The following ZNF800 variants were observed in gnomAD, a reference collection of about 807,000 sequenced individuals.
The protein encoded by ZNF800 is zinc finger protein 800.
A neutral mutation model predicts 59.5 loss-of-function variants in ZNF800; 13 were observed. The ratio of observed to expected loss-of-function variants is 0.22; its 90% CI spans 0.14 to 0.35. ZNF800 has a LOEUF of 0.35. ZNF800 is among the 10% of genes least tolerant of loss of function. The pLI is 1.00. For missense variants in ZNF800, 621 were observed against 783.7 expected (o/e 0.79, Z 2.48); for synonymous variants, 266 against 265.7 (o/e 1.00, Z -0.01).
chr7:127,392,224 C>T lies in ZNF800; in HGVS notation c.-223G>A, dbSNP rs1402096250. On this transcript the variant is annotated 5_prime_UTR_variant, in exon 1 of 6. Coordinates refer to ENST00000265827, the MANE Select transcript of ZNF800 (RefSeq NM_176814.5). Reference sequence around the variant, plus strand: ...GGGCCCGACGCGCTCCCAAAGAGTCCCCGCCGGCGCTGACGCGGAAGCGCC... The same window carrying T: ...GGGCCCGACGCGCTCCCAAAGAGTCTCCGCCGGCGCTGACGCGGAAGCGCC... 4.8e-5 allele frequency: 19 copies of T among 394,528 alleles called. No individual in the cohort carries two copies. The highest frequency in any genetic ancestry group is 3.5e-4 in the Admixed American group (8 of 22,574). The allele number at this position is 394,528 out of a possible 1,614,324, so 24.4% of individuals were successfully genotyped here. A position where few individuals can be genotyped will look rare whatever the true frequency, so the allele number is the denominator to read the frequency against.
intron 1 of ZNF800, chr7:127,360,174 G>A (rs543047862): frequency 5.9e-5 from 9 of 152,158 alleles, no homozygotes; most frequent in Non-Finnish European, 1.0e-4. Flanking sequence ...AATTACCCAG[G>A]TAGTTGGTAC....
downstream of ZNF800, among the ~76,000 whole-genome samples, chr7:127,368,602 G>T (rs1006048870): frequency 2.6e-5 from 4 of 152,072 alleles, no homozygotes; most frequent in African/African-American, 7.2e-5. Context: ...CAAAATTTTT[G>T]AAGCATCTCT....
rs117479436 is a variant in ZNF800 at position 127,355,440 on chromosome 7, G to A, written n.225-7397C>T. Among the ~76,000 whole-genome samples the A allele has an allele frequency of 7.4e-3, 1,124 of 152,052 alleles. 14 individuals carry two copies. The highest frequency in any genetic ancestry group is 0.021 in the African/African-American group (877 of 41,500). On this transcript the variant is annotated intron_variant and non_coding_transcript_variant, in intron 1 of 1. Transcript: ENST00000485577. ...CATGGGGGGCAATGTAATTAATAAC[G>A]CAATAATAACACAAAGGATAGAAGT...
chr7:127,357,347 G>C (rs753403298), intron 1 of ZNF800, among the ~76,000 whole-genome samples: 17 of 152,178 alleles, frequency 1.1e-4, no homozygotes, highest in Middle Eastern at 3.4e-3. Flanking sequence ...GCTTTACAAA[G>C]TATAATTAAT....
intron 1 of ZNF800, among the ~76,000 whole-genome samples, chr7:127,349,251 G>C (rs2117012294): frequency 6.6e-6 from 1 of 152,208 alleles, no homozygotes; most frequent in East Asian, 1.9e-4. Context: ...CTAAAATATG[G>C]CAATGAACTA....
downstream of ZNF800, among the ~76,000 whole-genome samples, chr7:127,345,233 G>T (rs1800035978): frequency 6.6e-6 from 1 of 151,916 alleles, no homozygotes; most frequent in Non-Finnish European, 1.5e-5. Flanking sequence ...AGAATACAAT[G>T]TTGAAGAATC....
At position 127,371,096 on chromosome 7, in the gene ZNF800, T is replaced by C. The variant is rs1800621412; in HGVS notation, c.*718A>G. 6.6e-6 allele frequency: 1 copy of C among 152,536 alleles called. No homozygotes were observed. Among genetic ancestry groups the C allele is most frequent in the African/African-American group, 2.4e-5 (1 of 41,424 alleles). 9.4% of individuals were successfully genotyped at this position (152,536 alleles called of 1,614,324 possible). ...GCATCTATCATTAAAGTGCTTTGTA[T>C]AAAATTTAAAGAAAAATAGGGGAAT... On this transcript the variant is annotated 3_prime_UTR_variant, in exon 6 of 6. Coordinates refer to ENST00000265827, the MANE Select transcript of ZNF800 (RefSeq NM_176814.5).
intron 5 of ZNF800, among the ~76,000 whole-genome samples, chr7:127,372,402 C>T (rs1004329178): frequency 2.6e-4 from 40 of 150,970 alleles, no homozygotes; most frequent in Non-Finnish European, 5.2e-4. Flanking sequence ...ATTGCTTGAA[C>T]CCAGGAGGCG....
rs1800827098 is a variant in ZNF800, at chr7:127,377,772, GGA to G, written c.158-445_158-444del. Reference sequence around the variant, plus strand: ...TTCTTTGAAGCTCTTTTCTGTATTAGGAAGTAAGCAAGGAGTTTTTCAATACA... The same window carrying G: ...TTCTTTGAAGCTCTTTTCTGTATTAGAGTAAGCAAGGAGTTTTTCAATACA... On this transcript the variant is annotated intron_variant, in intron 3 of 5. Transcript: ENST00000265827. The surrounding 1 kb of genome is among the most constrained non-coding windows in gnomAD (Gnocchi z 4.7). Among the ~76,000 whole-genome samples the G allele has an allele frequency of 6.6e-6, 1 of 152,036 alleles. No homozygotes were observed. Among genetic ancestry groups the G allele is most frequent in the Non-Finnish European group, 1.5e-5 (1 of 67,940 alleles).
chr7:127,392,494 A>G lies in ZNF800; in HGVS notation c.-493T>C, dbSNP rs1326748102. On this transcript the variant is annotated 5_prime_UTR_variant, in exon 1 of 6. Coordinates refer to ENST00000265827, the MANE Select transcript of ZNF800 (RefSeq NM_176814.5). Reference sequence around the variant, plus strand: ...TCCCACCAGCGCCGCTCCACCTGCAACGGTCCCTCAGGCTTTAGGAGAGGG... The same window carrying G: ...TCCCACCAGCGCCGCTCCACCTGCAGCGGTCCCTCAGGCTTTAGGAGAGGG... 1 of 349,246 alleles carries G rather than the reference A, an allele frequency of 2.9e-6. No homozygotes were observed. Among genetic ancestry groups the G allele is most frequent in the Non-Finnish European group, 5.1e-6 (1 of 194,508 alleles). 21.6% of individuals were successfully genotyped at this position (349,246 alleles called of 1,614,324 possible).
downstream of ZNF800, among the ~76,000 whole-genome samples, chr7:127,343,519 T>C (rs1283489917): frequency 6.6e-6 from 1 of 152,002 alleles, no homozygotes; most frequent in East Asian, 1.9e-4. Flanking sequence ...AAAAGGTTTT[T>C]TAAGTTTTCA....
intron 3 of ZNF800, among the ~76,000 whole-genome samples, chr7:127,384,358 C>T (rs980260865): frequency 1.3e-5 from 2 of 150,556 alleles, no homozygotes; most frequent in African/African-American, 2.4e-5. Flanking sequence ...CTCAGCCTCT[C>T]GAGTAGCTGA....
intron 1 of ZNF800, among the ~76,000 whole-genome samples, chr7:127,355,330 A>T: frequency 6.6e-6 from 1 of 151,938 alleles, no homozygotes; most frequent in East Asian, 1.9e-4. Flanking sequence ...AAGAATGGGG[A>T]CAGGCCTGGT....
intron 1 of ZNF800, chr7:127,359,695 T>C (rs150654992): frequency 3.3e-4 from 50 of 152,164 alleles, no homozygotes; most frequent in African/African-American, 1.1e-3. Context: ...CAGAGGACCA[T>C]AGCTGACAGG....
At chr7:127,343,701 C>A (rs1315693141), downstream of ZNF800, among the ~76,000 whole-genome samples, 1 of 151,726 alleles carries the variant, frequency 6.6e-6, no homozygotes, top group Non-Finnish European at 1.5e-5. Flanking sequence ...CAATCTTATT[C>A]ATAAATATAA....
At chr7:127,391,746 A>G (rs1801326914) in intron 1 of ZNF800, 131 bp from the exon 2 acceptor site, 1 of 627,966 alleles carries the variant, frequency 1.6e-6, no homozygotes, top group African/African-American at 1.8e-5. Context: ...TCTCGAAAAG[A>G]AAACAGAAAG....
At chr7:127,351,215 G>GTAC (rs1283854167) in intron 1 of ZNF800, among the ~76,000 whole-genome samples, 2 of 152,068 alleles carry the variant, frequency 1.3e-5, no homozygotes, top group Non-Finnish European at 2.9e-5. Flanking sequence ...TCCCACCTCT[G>GTAC]TACTTTTGTT....
chr7:127,384,227 CTTTTTTTTTTTTTTT>C (rs577977623), intron 3 of ZNF800, among the ~76,000 whole-genome samples: 1 of 63,392 alleles, frequency 1.6e-5, no homozygotes, highest in African/African-American at 7.0e-5. Context: ...ATTCTAACTT[CTTTTTTTTTTTTTTT>C]TTTTTTTTTT....
chr7:127,386,849 G>A (rs1801149636), intron 2 of ZNF800, among the ~76,000 whole-genome samples: 1 of 152,072 alleles, frequency 6.6e-6, no homozygotes, highest in African/African-American at 2.4e-5. Context: ...GGCAATAATT[G>A]TTAAGCAACA....
Sources: gnomAD v4.1 joint callset for allele counts (sites outside exome capture counted in the v4.1 genomes callset) on GRCh38, gnomAD v4.1.1 for gene constraint, Gnocchi (gnomAD v3.1) non-coding constraint, MANE v1.5 for transcripts, NCBI Gene and HGNC (gene_info 2026-07-23, HGNC 2026-07-21) for gene names.